Variants in ZDHHC14 observed in about 807,000 individuals in gnomAD.
ZDHHC14 encodes zDHHC palmitoyltransferase 14, also known as palmitoyltransferase ZDHHC14.
In ZDHHC14, 16 loss-of-function variants were observed where a neutral mutation model predicts 47.7. That is an observed-to-expected ratio of 0.34 (90% CI 0.23 to 0.51). ZDHHC14 has a LOEUF of 0.51. Among genes scored for constraint, ZDHHC14 ranks in the 20% least tolerant of loss-of-function variants. ZDHHC14 has a pLI of 0.97. For missense variants in ZDHHC14, 515 were observed against 662.5 expected (o/e 0.78, Z 2.44); for synonymous variants, 293 against 278.9 (o/e 1.05, Z -0.50).
chr6:157,404,193 G>A (rs767485939), intron 1 of ZDHHC14, among the ~76,000 whole-genome samples: 2 of 152,216 alleles, frequency 1.3e-5, no homozygotes, highest in Non-Finnish European at 2.9e-5. Flanking sequence ...CTGGAGTGCA[G>A]TGGTGTGATC....
At chr6:157,616,373 A>T (rs1233142750) in intron 3 of ZDHHC14, among the ~76,000 whole-genome samples, 1 of 152,094 alleles carries the variant, frequency 6.6e-6, no homozygotes, top group African/African-American at 2.4e-5. Flanking sequence ...TGTGAGGAGG[A>T]GAGATTGCAG....
chr6:157,401,421 C>T (rs1249291820), intron 1 of ZDHHC14, among the ~76,000 whole-genome samples: 1 of 152,226 alleles, frequency 6.6e-6, no homozygotes, highest in African/African-American at 2.4e-5. Flanking sequence ...TTAAAATGCC[C>T]TCATTTTATA....
At chr6:157,585,438 C>CT (rs1783657684) in intron 2 of ZDHHC14, among the ~76,000 whole-genome samples, 2 of 147,810 alleles carry the variant, frequency 1.4e-5, no homozygotes, top group Admixed American at 1.3e-4. Context: ...AAACCCAAAA[C>CT]CAGAAAAATT....
At position 157,672,993 on chromosome 6, in the gene ZDHHC14, G is replaced by A. The variant is rs557896484; in HGVS notation, c.1338G>A (p.Ser446=). ...TCCTGACGCCCGATGAGGCGCCCTCGCCCCCCAGGCTACTGGCGGCGGGCA... is the reference window on the plus strand; with the variant it reads ...TCCTGACGCCCGATGAGGCGCCCTCACCCCCCAGGCTACTGGCGGCGGGCA... The part of the protein sequence containing the change: ...HQFLTPDEAP[S]PPRLLAAGSP... The change falls in exon 9 of 9, where the codon TCG becomes TCA. Residue 446 remains serine, a synonymous_variant. Transcript: ENST00000359775. 124 of 1,586,962 alleles carry A rather than the reference G, an allele frequency of 7.8e-5. 2 individuals are homozygous for A. Among genetic ancestry groups the A allele is most frequent in the South Asian group, 6.5e-4 (57 of 88,268 alleles).
At chr6:157,649,583 T>TCGGACCCCTGGGCC (rs1777724186) in intron 7 of ZDHHC14, among the ~76,000 whole-genome samples, 1 of 152,196 alleles carries the variant, frequency 6.6e-6, no homozygotes, top group African/African-American at 2.4e-5. Flanking sequence ...GTCCCCTTCC[T>TCGGACCCCTGGGCC]CGGACCCCTG....
intron 2 of ZDHHC14, among the ~76,000 whole-genome samples, chr6:157,576,338 A>G (rs941097293): frequency 6.6e-6 from 1 of 152,260 alleles, no homozygotes; most frequent in Non-Finnish European, 1.5e-5. Flanking sequence ...CAATGTATAT[A>G]GACAGACCAG....
chr6:157,472,610 T>A (rs1207996647), intron 1 of ZDHHC14, among the ~76,000 whole-genome samples: 1 of 152,152 alleles, frequency 6.6e-6, no homozygotes, highest in Non-Finnish European at 1.5e-5. Context: ...AACCTATAAA[T>A]GATTTTCTCC....
intron 5 of ZDHHC14, among the ~76,000 whole-genome samples, chr6:157,633,153 G>A (rs1355878393): frequency 1.3e-5 from 2 of 152,170 alleles, no homozygotes; most frequent in Non-Finnish European, 2.9e-5. Context: ...AGTCAGGTTG[G>A]TTTGGGGAGA....
intron 1 of ZDHHC14, among the ~76,000 whole-genome samples, chr6:157,389,866 A>G (rs1777386232): frequency 6.6e-6 from 1 of 152,182 alleles, no homozygotes; most frequent in South Asian, 2.1e-4. Context: ...CTTTTAAAAG[A>G]AAAATAAATT....
intron 1 of ZDHHC14, among the ~76,000 whole-genome samples, chr6:157,531,773 G>A (rs1385123276): frequency 1.3e-5 from 2 of 152,228 alleles, no homozygotes; most frequent in Admixed American, 6.5e-5. Flanking sequence ...CACGGTACTC[G>A]TAGACTTGTT....
rs778188374 is a variant in ZDHHC14, at chr6:157,382,217, C to T, written c.196C>T (p.Leu66=). Reference sequence around the variant, plus strand: ...GGCCCGGCAGACGGGCGTCTTCTACCTGACGCTCGTCCTCATCCTGGTCAC... The same window carrying T: ...GGCCCGGCAGACGGGCGTCTTCTACTTGACGCTCGTCCTCATCCTGGTCAC... ...MMARQTGVFY[L]TLVLILVTSG... The change falls in exon 1 of 9, where the codon CTG becomes TTG. Residue 66 remains leucine (L), a synonymous_variant. Coordinates refer to ENST00000359775, the MANE Select transcript of ZDHHC14 (RefSeq NM_024630.3). The T allele has an allele frequency of 1.9e-6, 3 of 1,613,316 alleles. No homozygotes were observed. The Admixed American group carries it at 5.0e-5, about 27-fold the overall frequency.
intron 1 of ZDHHC14, among the ~76,000 whole-genome samples, chr6:157,533,529 G>C (rs973594213): frequency 6.6e-6 from 1 of 152,218 alleles, no homozygotes; most frequent in African/African-American, 2.4e-5. Flanking sequence ...GAAGGCACAG[G>C]CAAAAGCCCA....
At position 157,438,508 on chromosome 6, in the gene ZDHHC14, A is replaced by T. The variant is rs533810341; in HGVS notation, c.245+56242A>T. On this transcript the variant is annotated intron_variant, in intron 1 of 8. Coordinates refer to ENST00000359775, the MANE Select transcript of ZDHHC14 (RefSeq NM_024630.3). Reference sequence around the variant, plus strand: ...TAGTTTTCATCAGCTGAAGTTCACAAATTACCTTCACAGTTATCTCAAAGT... The same window carrying T: ...TAGTTTTCATCAGCTGAAGTTCACATATTACCTTCACAGTTATCTCAAAGT... 9.8e-5 allele frequency among the ~76,000 whole-genome samples: 15 copies of T among 152,370 alleles called. No individual in the cohort carries two copies. The East Asian group carries it at 2.7e-3, about 27-fold the overall frequency.
At chr6:157,411,943 T>C (rs1203534179) in intron 1 of ZDHHC14, among the ~76,000 whole-genome samples, 1 of 151,338 alleles carries the variant, frequency 6.6e-6, no homozygotes, top group African/African-American at 2.4e-5. Flanking sequence ...TTATATTTTA[T>C]TTCTTTTTTT....
rs144325165 is a variant in ZDHHC14, at chr6:157,597,679, A to C, written c.565+4533A>C. The stretch of plus-strand genomic sequence containing the variant: ...CCCAGCCCTGCTGTCCTGTGTGGGC[A>C]CTGGGACTGTCTCTGCACCTGAGAT... On this transcript the variant is annotated intron_variant, in intron 3 of 8. Coordinates refer to ENST00000359775, the MANE Select transcript of ZDHHC14 (RefSeq NM_024630.3). Among the ~76,000 whole-genome samples the C allele has an allele frequency of 4.0e-4, 61 of 152,330 alleles. No individual in the cohort carries two copies. The East Asian group carries it at 6.2e-3, about 15-fold the overall frequency.
chr6:157,491,172 A>C (rs559559390), intron 1 of ZDHHC14, among the ~76,000 whole-genome samples: 41 of 152,262 alleles, frequency 2.7e-4, no homozygotes, highest in African/African-American at 9.6e-4. Flanking sequence ...TGTGGGTCGC[A>C]TTTAGGGTAT....
intron 1 of ZDHHC14, among the ~76,000 whole-genome samples, chr6:157,459,221 A>C (rs964576813): frequency 3.3e-5 from 5 of 152,088 alleles, no homozygotes; most frequent in Non-Finnish European, 7.3e-5. Context: ...AACATTCTGG[A>C]AAACAAATTG....
At chr6:157,489,658 C>T (rs968258518) in intron 1 of ZDHHC14, among the ~76,000 whole-genome samples, 36 of 152,156 alleles carry the variant, frequency 2.4e-4, no homozygotes, top group African/African-American at 8.2e-4. Context: ...CCAGGCACAC[C>T]GTGTGGCAGA....
chr6:157,650,112 T>C (rs664757), intron 7 of ZDHHC14, among the ~76,000 whole-genome samples: 45,493 of 142,996 alleles, frequency 0.32, 10,046 homozygotes, highest in Non-Finnish European at 0.4. Flanking sequence ...GCACTGGGGG[T>C]GCACGGGAGA....
Sources: gnomAD v4.1 joint callset for allele counts (sites outside exome capture counted in the v4.1 genomes callset) on GRCh38, gnomAD v4.1.1 for gene constraint, MANE v1.5 for transcripts, NCBI Gene and HGNC (gene_info 2026-07-23, HGNC 2026-07-21) for gene names.